TTC28: variants seen among roughly 807,000 people sequenced by gnomAD.
The protein encoded by TTC28 is tetratricopeptide repeat protein 28.
TTC28 carries 61 observed loss-of-function variants against 198.0 expected under a neutral mutation model. The observed-to-expected ratio is 0.31, with a 90% confidence interval of 0.25 to 0.38. The LOEUF (loss-of-function observed/expected upper bound fraction) is 0.38. Among genes scored for constraint, TTC28 ranks in the 10% least tolerant of loss-of-function variants. TTC28 has a pLI of 1.00. For missense variants in TTC28, 2,678 were observed against 3,164.0 expected (o/e 0.85, Z 3.69); for synonymous variants, 1,171 against 1,297.8 (o/e 0.90, Z 2.10).
At chr22:28,285,585 C>T (rs1053716509) in intron 5 of TTC28, among the ~76,000 whole-genome samples, 2 of 152,088 alleles carry the variant, frequency 1.3e-5, no homozygotes, top group African/African-American at 2.4e-5. Flanking sequence ...CTCATACAAA[C>T]GATAACTAAG....
chr22:28,678,345 G>A (rs2052036162), intron 1 of TTC28, among the ~76,000 whole-genome samples: 1 of 152,160 alleles, frequency 6.6e-6, no homozygotes, highest in Non-Finnish European at 1.5e-5. Context: ...CTCCAGAGTA[G>A]CTGAGACTGC....
chr22:28,536,880 C>T (rs77937293), intron 2 of TTC28, among the ~76,000 whole-genome samples: 3,014 of 151,754 alleles, frequency 0.02, 113 homozygotes, highest in African/African-American at 0.068. Context: ...GAGTACTAGC[C>T]CAACTCAGAT....
At chr22:28,297,026 T>C (rs966065672) in intron 4 of TTC28, among the ~76,000 whole-genome samples, 4 of 152,142 alleles carry the variant, frequency 2.6e-5, no homozygotes, top group Admixed American at 1.3e-4. Context: ...AGATGAAAGA[T>C]TGACCCAACA....
At chr22:28,631,687 G>T (rs1172067802) in intron 1 of TTC28, among the ~76,000 whole-genome samples, 1 of 151,916 alleles carries the variant, frequency 6.6e-6, no homozygotes, top group Non-Finnish European at 1.5e-5. Flanking sequence ...ACCCCGCCTG[G>T]CTGATTTTTT....
chr22:28,371,509 CAAAAAAA>C (rs1229801209), intron 2 of TTC28, among the ~76,000 whole-genome samples: 1 of 6,102 alleles, frequency 1.6e-4, no homozygotes, highest in Non-Finnish European at 2.9e-4. Flanking sequence ...GACCCTGTCT[CAAAAAAA>C]AAAAAAAAAA....
chr22:28,361,719 A>G (rs947232526), intron 2 of TTC28, among the ~76,000 whole-genome samples: 2 of 152,248 alleles, frequency 1.3e-5, no homozygotes, highest in Admixed American at 6.5e-5. Flanking sequence ...ATCTAGGACT[A>G]CAGAGGAGAA....
At chr22:28,307,828 C>T (rs999491934) in intron 2 of TTC28, among the ~76,000 whole-genome samples, 2 of 152,064 alleles carry the variant, frequency 1.3e-5, no homozygotes, top group Non-Finnish European at 2.9e-5. Context: ...GAAATTGTCA[C>T]AAATTGTATT....
At chr22:28,286,203 C>T (rs768889841) in intron 5 of TTC28, among the ~76,000 whole-genome samples, 1 of 152,054 alleles carries the variant, frequency 6.6e-6, no homozygotes, top group Non-Finnish European at 1.5e-5. Flanking sequence ...TAAAACAATA[C>T]ATTTTTAGAC....
Position 28,510,049 on chromosome 22 carries a change from C to A in TTC28, c.381+119503G>T, listed in dbSNP as rs540670423. 1.1e-4 allele frequency among the ~76,000 whole-genome samples: 17 copies of A among 152,152 alleles called. 1 individual carries two copies. The highest frequency in any genetic ancestry group is 3.9e-4 in the African/African-American group (16 of 41,528). On this transcript the variant is annotated intron_variant, in intron 2 of 22. Transcript: ENST00000397906. Reference sequence around the variant, plus strand: ...GAGGCAGAAATAAATAGCCTACCAACCAAAAAAAGCCCATGACCAGACAGA... The same window carrying A: ...GAGGCAGAAATAAATAGCCTACCAAACAAAAAAAGCCCATGACCAGACAGA...
At chr22:28,643,950 A>G (rs2051411715) in intron 1 of TTC28, among the ~76,000 whole-genome samples, 1 of 152,244 alleles carries the variant, frequency 6.6e-6, no homozygotes, top group African/African-American at 2.4e-5. Flanking sequence ...AAGGCACAAA[A>G]AGGTTAAATA....
intron 2 of TTC28, among the ~76,000 whole-genome samples, chr22:28,429,922 C>T (rs2047407053): frequency 6.6e-6 from 1 of 151,906 alleles, no homozygotes; most frequent in African/African-American, 2.4e-5. Flanking sequence ...ACCATCCAGA[C>T]TATGACTTCT....
At chr22:28,292,158 T>C (rs1039063808) in intron 5 of TTC28, among the ~76,000 whole-genome samples, 6 of 152,154 alleles carry the variant, frequency 3.9e-5, no homozygotes, top group Non-Finnish European at 7.3e-5. Flanking sequence ...TTTCATGTAA[T>C]TGTTATGTAA....
At chr22:28,278,288 G>A (rs2044511423) in intron 5 of TTC28, among the ~76,000 whole-genome samples, 1 of 152,126 alleles carries the variant, frequency 6.6e-6, no homozygotes, top group Non-Finnish European at 1.5e-5. Context: ...ACACAAAAAT[G>A]AGAAATCTAT....
intron 2 of TTC28, among the ~76,000 whole-genome samples, chr22:28,381,552 C>T (rs1399656921): frequency 6.6e-6 from 1 of 152,046 alleles, no homozygotes; most frequent in Non-Finnish European, 1.5e-5. Context: ...TGGTATCCTA[C>T]AAATGTTAGT....
rs779596646 is a variant in TTC28 at position 28,098,885 on chromosome 22, T to C, written c.3547+30A>G. On this transcript the variant is annotated intron_variant, in intron 10 of 22. Transcript: ENST00000397906. ...GCACCCGTGCGCACTAGTGCACACG[T>C]AAGCAAGGAGTAACCCCAGCTGTTC... The C allele has an allele frequency of 5.2e-6, 8 of 1,550,452 alleles. No individual in the cohort carries two copies. In the South Asian group the frequency reaches 9.5e-5, roughly 18 times the overall value.
At chr22:27,993,811 A>G in intron 17 of TTC28, among the ~76,000 whole-genome samples, 1 of 152,114 alleles carries the variant, frequency 6.6e-6, no homozygotes, top group Non-Finnish European at 1.5e-5. Flanking sequence ...CAGTAAAGCA[A>G]TGTGTCTGAA....
chr22:28,191,360 G>A lies in TTC28; in HGVS notation c.934-27761C>T, dbSNP rs563120975. 9.6e-4 allele frequency among the ~76,000 whole-genome samples: 147 copies of A among 152,366 alleles called. 1 individual carries two copies. Among genetic ancestry groups the A allele is most frequent in the African/African-American group, 3.3e-3 (136 of 41,594 alleles). On this transcript the variant is annotated intron_variant, in intron 5 of 22. Transcript: ENST00000397906. ...AGCTCCAGTCTACAGCTCCCAGGGT[G>A]AGCAACACAGAAGACGGGTGATTTC... is the stretch of plus-strand genomic sequence containing the variant.
At chr22:28,657,828 G>A (rs2051683730) in intron 1 of TTC28, among the ~76,000 whole-genome samples, 1 of 151,876 alleles carries the variant, frequency 6.6e-6, no homozygotes, top group African/African-American at 2.4e-5. Context: ...GCAGTGAGCT[G>A]AAATCACACC....
At chr22:28,029,662 T>G (rs562722552) in intron 13 of TTC28, among the ~76,000 whole-genome samples, 1 of 152,286 alleles carries the variant, frequency 6.6e-6, no homozygotes, top group East Asian at 1.9e-4. Context: ...GCTTGGAAAT[T>G]TCAAACTCGA....
Sources: allele counts gnomAD v4.1 joint callset (sites outside exome capture counted in the v4.1 genomes callset), GRCh38; gene constraint gnomAD v4.1.1; transcripts MANE v1.5; gene names NCBI Gene and HGNC (gene_info 2026-07-23, HGNC 2026-07-21).